Variants in SYNJ2BP observed in about 807,000 individuals in gnomAD.
The protein encoded by SYNJ2BP is synaptojanin 2 binding protein, also known as synaptojanin-2-binding protein.
In SYNJ2BP, 10 loss-of-function variants were observed where a neutral mutation model predicts 16.9. The observed-to-expected ratio is 0.59, with a 90% CI of 0.36 to 1.00. SYNJ2BP has a LOEUF of 1.00. SYNJ2BP is among the 50% of genes least tolerant of loss of function. The pLI, the probability that SYNJ2BP is intolerant of heterozygous loss-of-function variation, is 0.01. For missense variants in SYNJ2BP, 162 were observed against 186.7 expected, an observed-to-expected ratio of 0.87 and a Z score of 0.77; for synonymous variants, 54 against 68.4, an observed-to-expected ratio of 0.79 and a Z score of 1.04.
rs866281745 is a variant in SYNJ2BP, at chr14:70,385,518, G to A, written c.201+2952C>T. Among the ~76,000 whole-genome samples, 12 of 151,758 alleles carry A rather than the reference G, an allele frequency of 7.9e-5. No homozygotes were observed. In the South Asian group the frequency reaches 1.5e-3, roughly 18 times the overall value. On this transcript the variant is annotated intron_variant, in intron 2 of 3. Transcript: ENST00000256366. Reference sequence around the variant, plus strand: ...GGACTACAGGCGCGTGCACCAAGGCGCGTGCCACCATGCCCACCTAATTTT... The same window carrying A: ...GGACTACAGGCGCGTGCACCAAGGCACGTGCCACCATGCCCACCTAATTTT...
At chr14:70,382,335 T>G (rs1207366045) in intron 2 of SYNJ2BP, among the ~76,000 whole-genome samples, 2 of 152,248 alleles carry the variant, frequency 1.3e-5, no homozygotes, top group African/African-American at 4.8e-5. Context: ...AAAGTATTGT[T>G]GTGTTAAACT....
intron 2 of SYNJ2BP, among the ~76,000 whole-genome samples, chr14:70,387,295 C>G (rs1007254238): frequency 2.0e-5 from 3 of 152,184 alleles, no homozygotes; most frequent in Non-Finnish European, 4.4e-5. Flanking sequence ...TCCCTTATCC[C>G]CCAGCAAACT....
chr14:70,394,702 A>G (rs1470730190), intron 1 of SYNJ2BP, among the ~76,000 whole-genome samples: 2 of 151,404 alleles, frequency 1.3e-5, no homozygotes, highest in South Asian at 4.2e-4. Context: ...TGAACTCCTG[A>G]CTATAGGTCT....
intron 1 of SYNJ2BP, among the ~76,000 whole-genome samples, chr14:70,399,787 C>T (rs1888196092): frequency 6.6e-6 from 1 of 152,196 alleles, no homozygotes. Context: ...AGGATCCTAT[C>T]TAAGGGTCAG....
At chr14:70,405,896 T>G (rs181136193) in intron 1 of SYNJ2BP, among the ~76,000 whole-genome samples, 65 of 152,356 alleles carry the variant, frequency 4.3e-4, no homozygotes, top group African/African-American at 9.6e-4. Flanking sequence ...GGAAACCAAG[T>G]CTCCTTTCTA....
intron 1 of SYNJ2BP, among the ~76,000 whole-genome samples, chr14:70,413,400 AG>A (rs1368611152): frequency 6.6e-6 from 1 of 152,202 alleles, no homozygotes; most frequent in Non-Finnish European, 1.5e-5. Flanking sequence ...AAACTTTGGG[AG>A]GCCAAGGCAG....
chr14:70,415,255 G>A (rs2139457325), intron 1 of SYNJ2BP, among the ~76,000 whole-genome samples: 1 of 151,048 alleles, frequency 6.6e-6, no homozygotes, highest in South Asian at 2.1e-4. Flanking sequence ...TTTAATAATA[G>A]AAAGGAAGGC....
intron 1 of SYNJ2BP, among the ~76,000 whole-genome samples, chr14:70,404,675 C>A (rs2332375): frequency 0.87 from 133,035 of 152,194 alleles, 58,206 homozygotes; most frequent in East Asian, 0.93. Flanking sequence ...TTAAAGTTAC[C>A]GTCAATATAT....
chr14:70,397,422 A>G (rs1260394871), intron 1 of SYNJ2BP, among the ~76,000 whole-genome samples: 3 of 152,108 alleles, frequency 2.0e-5, no homozygotes, highest in African/African-American at 7.2e-5. Context: ...CTCCAGATCA[A>G]TTTTTCAACA....
intron 1 of SYNJ2BP, among the ~76,000 whole-genome samples, chr14:70,410,529 C>T (rs1888449610): frequency 6.6e-6 from 1 of 152,062 alleles, no homozygotes; most frequent in Non-Finnish European, 1.5e-5. Flanking sequence ...ATGCACTAGA[C>T]AAAGCATTAA....
At chr14:70,404,897 G>C (rs1361203596) in intron 1 of SYNJ2BP, among the ~76,000 whole-genome samples, 3 of 152,154 alleles carry the variant, frequency 2.0e-5, no homozygotes, top group African/African-American at 7.2e-5. Flanking sequence ...AGGCTGAAGT[G>C]GGTGGATTGC....
intron 1 of SYNJ2BP, among the ~76,000 whole-genome samples, chr14:70,413,472 C>G (rs1481917643): frequency 6.6e-6 from 1 of 152,144 alleles, no homozygotes; most frequent in East Asian, 1.9e-4. Context: ...AACCCTGTCT[C>G]TACTAAAAAT....
At chr14:70,386,864 G>C (rs76355363) in intron 2 of SYNJ2BP, among the ~76,000 whole-genome samples, 202 of 152,350 alleles carry the variant, frequency 1.3e-3, no homozygotes, top group African/African-American at 4.7e-3. Context: ...ACTCATTATA[G>C]AGGTAGGTTC....
At chr14:70,408,546 G>A (rs144483797) in intron 1 of SYNJ2BP, among the ~76,000 whole-genome samples, 4,778 of 151,888 alleles carry the variant, frequency 0.031, 103 homozygotes, top group Middle Eastern at 0.071. Flanking sequence ...GGTAGCGGGC[G>A]CCTGTAATCC....
chr14:70,406,118 A>C (rs1405523766), intron 1 of SYNJ2BP, among the ~76,000 whole-genome samples: 1 of 152,244 alleles, frequency 6.6e-6, no homozygotes, highest in Non-Finnish European at 1.5e-5. Context: ...ATATGTTAAA[A>C]TCATATTGTT....
At chr14:70,399,229 G>GC (rs1283738924) in intron 1 of SYNJ2BP, among the ~76,000 whole-genome samples, 2 of 152,172 alleles carry the variant, frequency 1.3e-5, no homozygotes, top group African/African-American at 4.8e-5. Context: ...GCGTGGCACT[G>GC]CCCCAGGCCC....
At chr14:70,412,468 TAGTATATATAC>T (rs1451311131) in intron 1 of SYNJ2BP, among the ~76,000 whole-genome samples, 1 of 148,252 alleles carries the variant, frequency 6.7e-6, no homozygotes, top group African/African-American at 2.5e-5. Context: ...TATGTATGTA[TAGTATATATAC>T]AGTATATATA....
chr14:70,373,412 A>G (rs1887559698), intron 3 of SYNJ2BP, among the ~76,000 whole-genome samples: 1 of 152,156 alleles, frequency 6.6e-6, no homozygotes, highest in Non-Finnish European at 1.5e-5. Flanking sequence ...TACTGCCTCT[A>G]CCTTGCTATT....
chr14:70,414,808 C>T (rs1291844571), intron 1 of SYNJ2BP, among the ~76,000 whole-genome samples: 2 of 152,166 alleles, frequency 1.3e-5, no homozygotes, highest in African/African-American at 4.8e-5. Context: ...AAGGAACTAG[C>T]ATTGTTTTAA....
Sources: allele counts gnomAD v4.1 joint callset (sites outside exome capture counted in the v4.1 genomes callset), GRCh38; gene constraint gnomAD v4.1.1; transcripts MANE v1.5; gene names NCBI Gene and HGNC (gene_info 2026-07-23, HGNC 2026-07-21).